PRKN: variants seen among roughly 807,000 people sequenced by gnomAD.
PRKN encodes the protein E3 ubiquitin-protein ligase parkin.
A neutral mutation model predicts 59.5 loss-of-function variants in PRKN; 56 were observed. That is an observed-to-expected ratio of 0.94 (90% CI 0.76 to 1.18). The LOEUF (loss-of-function observed/expected upper bound fraction) is 1.18. Among genes scored for constraint, PRKN ranks in the 50% most tolerant of loss-of-function variants. The pLI is 0.00. For missense variants in PRKN, 657 were observed against 596.4 expected (o/e 1.10, Z -1.06); for synonymous variants, 250 against 222.1 (o/e 1.13, Z -1.12).
chr6:161,434,542 T>G (rs1177757826), intron 9 of PRKN, among the ~76,000 whole-genome samples: 1 of 152,170 alleles, frequency 6.6e-6, no homozygotes, highest in African/African-American at 2.4e-5. Flanking sequence ...TGCGCTGACT[T>G]GTGTAGACAC....
intron 1 of PRKN, among the ~76,000 whole-genome samples, chr6:162,577,416 A>G (rs891652883): frequency 2.0e-4 from 31 of 151,872 alleles, no homozygotes; most frequent in South Asian, 4.2e-4. Flanking sequence ...CCTGGCCGAC[A>G]TGGTGAAACC....
At chr6:161,976,128 C>A (rs972418772) in intron 5 of PRKN, among the ~76,000 whole-genome samples, 1 of 152,106 alleles carries the variant, frequency 6.6e-6, no homozygotes, top group South Asian at 2.1e-4. Context: ...TAGTCTTGAA[C>A]TCCTGACCTC....
intron 5 of PRKN, among the ~76,000 whole-genome samples, chr6:162,043,069 A>C (rs111733178): frequency 0.17 from 26,115 of 152,076 alleles, 3,066 homozygotes; most frequent in African/African-American, 0.33. Flanking sequence ...CTTACATGGC[A>C]GTGGCAAGAG....
At chr6:161,464,009 C>T (rs1437090547) in intron 9 of PRKN, among the ~76,000 whole-genome samples, 1 of 151,960 alleles carries the variant, frequency 6.6e-6, no homozygotes, top group African/African-American at 2.4e-5. Context: ...GTTGCCCAGG[C>T]TGAAGTGCAA....
chr6:162,151,424 C>T (rs573240212), intron 4 of PRKN, among the ~76,000 whole-genome samples: 4 of 152,334 alleles, frequency 2.6e-5, no homozygotes, highest in South Asian at 2.1e-4. Flanking sequence ...TTTGCAGCTT[C>T]GCAATTCTTC....
intron 2 of PRKN, among the ~76,000 whole-genome samples, chr6:162,391,700 C>G (rs1455416443): frequency 6.6e-6 from 1 of 152,226 alleles, no homozygotes; most frequent in East Asian, 1.9e-4. Flanking sequence ...AATTTTCTTA[C>G]TGCTCATGCT....
chr6:162,509,026 G>A (rs1205126503), intron 1 of PRKN, among the ~76,000 whole-genome samples: 3 of 152,080 alleles, frequency 2.0e-5, no homozygotes, highest in African/African-American at 7.2e-5. Context: ...CTAAGAATGA[G>A]GAAACACCAC....
chr6:161,433,821 C>T (rs189666865), intron 9 of PRKN, among the ~76,000 whole-genome samples: 3 of 151,988 alleles, frequency 2.0e-5, no homozygotes, highest in South Asian at 2.1e-4. Flanking sequence ...GTTCAAGACC[C>T]GCCTGGCCAA....
chr6:162,011,332 A>T (rs1249970015), intron 5 of PRKN, among the ~76,000 whole-genome samples: 5 of 13,434 alleles, frequency 3.7e-4, no homozygotes, highest in Admixed American at 2.1e-3. Context: ...AATATATATA[A>T]TATATTATAT....
At chr6:161,455,442 G>A (rs542427057) in intron 9 of PRKN, among the ~76,000 whole-genome samples, 2 of 152,296 alleles carry the variant, frequency 1.3e-5, no homozygotes, top group South Asian at 4.1e-4. Flanking sequence ...CCTACTAAAT[G>A]CTACCCAGTG....
chr6:162,494,496 C>T (rs1792970783), intron 1 of PRKN, among the ~76,000 whole-genome samples: 2 of 152,204 alleles, frequency 1.3e-5, no homozygotes, highest in African/African-American at 4.8e-5. Context: ...GGACTTCAAG[C>T]TCCAGCATCC....
chr6:161,720,954 A>G (rs1787196007), intron 7 of PRKN, among the ~76,000 whole-genome samples: 1 of 152,180 alleles, frequency 6.6e-6, no homozygotes, highest in African/African-American at 2.4e-5. Flanking sequence ...ATGCAGACAG[A>G]CTGTTTTTAA....
chr6:162,089,271 C>A (rs1269575462), intron 4 of PRKN, among the ~76,000 whole-genome samples: 2 of 152,060 alleles, frequency 1.3e-5, no homozygotes, highest in African/African-American at 2.4e-5. Flanking sequence ...GGAAGTTATA[C>A]AAATGGCCCA....
At chr6:161,601,479 A>G (rs1275674317) in intron 7 of PRKN, among the ~76,000 whole-genome samples, 3 of 152,186 alleles carry the variant, frequency 2.0e-5, no homozygotes, top group Non-Finnish European at 4.4e-5. Flanking sequence ...CTTTGAGGAG[A>G]ATTAACATTA....
intron 5 of PRKN, among the ~76,000 whole-genome samples, chr6:162,017,438 C>T (rs949220384): frequency 6.6e-6 from 1 of 152,004 alleles, no homozygotes; most frequent in Non-Finnish European, 1.5e-5. Flanking sequence ...TATTAAGTGC[C>T]CCATAAATCA....
intron 1 of PRKN, among the ~76,000 whole-genome samples, chr6:162,596,043 C>T (rs1429434243): frequency 6.6e-6 from 1 of 151,988 alleles, no homozygotes; most frequent in African/African-American, 2.4e-5. Context: ...TTGCCTAACA[C>T]TGCTTGTAAT....
At position 161,592,014 on chromosome 6, in the gene PRKN, G is replaced by T. The variant is rs911720511; in HGVS notation, c.872-22598C>A. On this transcript the variant is annotated intron_variant, in intron 7 of 11. Coordinates refer to ENST00000366898, the MANE Select transcript of PRKN (RefSeq NM_004562.3). This position sits in a 1 kb window ranked among gnomAD's most constrained non-coding sequence, Gnocchi z 4.8. ...CAAGTCTCTGATATACAATGATGTA[G>T]TATTTCTATATAACCTATGCACATC... Among the ~76,000 whole-genome samples the T allele has an allele frequency of 6.6e-6, 1 of 152,050 alleles. No individual in the cohort carries two copies. The highest frequency in any genetic ancestry group is 1.5e-5 in the Non-Finnish European group (1 of 68,014).
intron 7 of PRKN, among the ~76,000 whole-genome samples, chr6:161,699,571 C>A (rs146977322): frequency 6.6e-6 from 1 of 152,190 alleles, no homozygotes; most frequent in East Asian, 1.9e-4. Context: ...TACCGTGTAT[C>A]TCAATATAAT....
intron 1 of PRKN, among the ~76,000 whole-genome samples, chr6:162,649,540 T>C (rs1382746081): frequency 6.6e-6 from 1 of 152,046 alleles, no homozygotes; most frequent in Non-Finnish European, 1.5e-5. Flanking sequence ...ATGTCATTAA[T>C]CAAAGTTGAG....
Sources: allele counts gnomAD v4.1 joint callset (sites outside exome capture counted in the v4.1 genomes callset), GRCh38; gene constraint gnomAD v4.1.1; non-coding constraint Gnocchi (gnomAD v3.1); transcripts MANE v1.5; gene names NCBI Gene and HGNC (gene_info 2026-07-23, HGNC 2026-07-21).